HSF4: variants seen among roughly 807,000 people sequenced by gnomAD.
The protein encoded by HSF4 is heat shock factor protein 4.
In HSF4, 41 loss-of-function variants were observed where a neutral mutation model predicts 52.0. That is an observed-to-expected ratio of 0.79 (90% confidence interval 0.61 to 1.02). The LOEUF (loss-of-function observed/expected upper bound fraction) is 1.02, where lower values mean the gene tolerates loss of function less well. HSF4 is among the 50% of genes least tolerant of loss of function. The pLI is 0.00. For synonymous variants in HSF4, 285 were observed against 273.0 expected, an observed-to-expected ratio of 1.04 and a Z score of -0.43; for missense variants, 610 against 651.1, an observed-to-expected ratio of 0.94 and a Z score of 0.69.
chr16:67,169,275 G>T lies in HSF4; in HGVS notation c.1255-4G>T, dbSNP rs370952262. ...CCCAGCTGCTCCCTGCGGTTCTCAC[G>T]CAGATGCAGCCCTTGGTTCCAGAGC... On this transcript the variant is annotated splice_region_variant and splice_polypyrimidine_tract_variant and intron_variant, in intron 11 of 12. Coordinates refer to ENST00000521374, the MANE Select transcript of HSF4 (RefSeq NM_001374675.1). This position sits in a 1 kb window ranked among gnomAD's most constrained non-coding sequence, Gnocchi z 4.3. 1 of 1,613,360 alleles carries T rather than the reference G, an allele frequency of 6.2e-7. No homozygotes were observed. The highest frequency in any genetic ancestry group is 8.5e-7 in the Non-Finnish European group (1 of 1,179,966).
chr16:67,169,514 A>G lies in HSF4; in HGVS notation c.1325-117A>G. ...CCCTCACCATTGGGCGAGAGTGGGG[A>G]GGTTAAGAATGGATGTTTTATCCTA... On this transcript the variant is annotated intron_variant, in intron 12 of 12. Transcript: ENST00000521374. This position sits in a 1 kb window ranked among gnomAD's most constrained non-coding sequence, Gnocchi z 4.3. 1 of 1,591,188 alleles carries G rather than the reference A, an allele frequency of 6.3e-7. No individual in the cohort carries two copies. The highest frequency in any genetic ancestry group is 1.1e-5 in the South Asian group (1 of 89,862).
Position 67,169,560 on chromosome 16 carries a change from G to T in HSF4, c.1325-71G>T. ...TCCTAACTGAGCAGAAGGCAGGCGGGCAGGGCTCTCCTTCCCTGAAGAAAG... is the reference window on the plus strand; with the variant it reads ...TCCTAACTGAGCAGAAGGCAGGCGGTCAGGGCTCTCCTTCCCTGAAGAAAG... On this transcript the variant is annotated intron_variant, in intron 12 of 12. Coordinates refer to ENST00000521374, the MANE Select transcript of HSF4 (RefSeq NM_001374675.1). The surrounding 1 kb of genome is among the most constrained non-coding windows in gnomAD (Gnocchi z 4.3). The T allele has an allele frequency of 2.5e-6, 4 of 1,598,998 alleles. No individual in the cohort carries two copies. The highest frequency in any genetic ancestry group is 3.4e-6 in the Non-Finnish European group (4 of 1,179,552).
intron 6 of HSF4, 59 bp from the exon 7 acceptor site, chr16:67,167,061 C>T (rs577017367): frequency 1.2e-5 from 20 of 1,612,432 alleles, no homozygotes; most frequent in African/African-American, 4.0e-5. Context: ...AAGTGCAGGC[C>T]GAGGTGCATG....
At position 67,165,669 on chromosome 16, in the gene HSF4, A is replaced by T. The variant is rs1432785437; in HGVS notation, c.232+39A>T. 6.2e-7 allele frequency: 1 copy of T among 1,611,178 alleles called. No homozygotes were observed. Among genetic ancestry groups the T allele is most frequent in the African/African-American group, 1.3e-5 (1 of 74,438 alleles). ...GCCGGGCGGGGAGCGGGGATGGGGG[A>T]CTCGGTGCCGGGGATGGGGCGACCC... On this transcript the variant is annotated intron_variant, in intron 2 of 12. Transcript: ENST00000521374. The surrounding 1 kb of genome is among the most constrained non-coding windows in gnomAD (Gnocchi z 6.9).
At position 67,164,820 on chromosome 16, in the gene HSF4, A is replaced by G. The variant is rs758852676; in HGVS notation, c.9A>G (p.Glu3=). The part of the protein sequence containing the change: MQ[E]APAALPTEPG... Reference sequence around the variant, plus strand: ...CGGGCCGAGACTGCACCATGCAGGAAGCGCCAGCTGCGCTGCCCACGGAGC... The same window carrying G: ...CGGGCCGAGACTGCACCATGCAGGAGGCGCCAGCTGCGCTGCCCACGGAGC... The change falls in exon 1 of 13, where the codon GAA becomes GAG. Residue 3 remains glutamate (E), a synonymous_variant. Coordinates refer to ENST00000521374, the MANE Select transcript of HSF4 (RefSeq NM_001374675.1). The G allele has an allele frequency of 2.5e-6, 4 of 1,600,366 alleles. No individual in the cohort carries two copies. The African/African-American group carries it at 5.3e-5, about 21-fold the overall frequency.
chr16:67,169,186 C>T lies in HSF4; in HGVS notation c.1254+85C>T, dbSNP rs1244543663. 12 of 1,605,558 alleles carry T rather than the reference C, an allele frequency of 7.5e-6. No homozygotes were observed. Among genetic ancestry groups the T allele is most frequent in the African/African-American group, 1.3e-5 (1 of 74,826 alleles). On this transcript the variant is annotated intron_variant, in intron 11 of 12. Transcript: ENST00000521374. The surrounding 1 kb of genome is among the most constrained non-coding windows in gnomAD (Gnocchi z 4.3). ...ATAGCTGTTCTCTGTGAGCCAAAGC[C>T]GTGTCTCTAGAAGAATTGTCACAGT...
In HSF4 at chr16:67,168,833, G is replaced by T; in HGVS notation, c.1085G>T (p.Gly362Val). The change falls in exon 10 of 13, where the codon GGG becomes GTG. Residue 362 changes from glycine to valine, a missense_variant and splice_region_variant. Gly to Val is a moderately radical substitution (Grantham distance 109). Transcript: ENST00000521374. ...CAAAAGCAGTTCTGTCTGCACAGGG[G>T]GCCTCTGGGCCTGGAAAGCGGGGAC... ...PGDPREIPDR[G>V]PLGLESGDRS... The T allele has an allele frequency of 1.2e-6, 2 of 1,613,192 alleles. No individual in the cohort carries two copies. The highest frequency in any genetic ancestry group is 1.7e-6 in the Non-Finnish European group (2 of 1,179,620).
upstream of HSF4, chr16:67,164,262 T>A (rs890961901): frequency 2.2e-5 from 9 of 411,474 alleles, no homozygotes; most frequent in South Asian, 1.6e-4. Flanking sequence ...CCGGCAGAGG[T>A]TGGGTTTCCT....
Position 67,168,756 on chromosome 16 carries a change from C to A in HSF4, c.1083-75C>A, listed in dbSNP as rs2031500987. 4.6e-6 allele frequency: 5 copies of A among 1,084,810 alleles called. No homozygotes were observed. The East Asian group carries it at 7.1e-5, about 15-fold the overall frequency. The allele number at this position is 1,084,810 out of a possible 1,614,324, so 67.2% of individuals were successfully genotyped here. ...TTTCTAAAGATTGGGGGATTAAAAT[C>A]TTGATGCATCTGGGTTCCTTGGGAA... is the stretch of plus-strand genomic sequence containing the variant. On this transcript the variant is annotated intron_variant, in intron 9 of 12. Transcript: ENST00000521374.
At position 67,167,615 on chromosome 16, in the gene HSF4, C is replaced by G; in HGVS notation, c.854+16C>G. The stretch of plus-strand genomic sequence containing the variant: ...ATGGCAGGAGGTAAGGGGGACAGGG[C>G]TGCCCCTGAGGGGCCTGTGGGGGAG... On this transcript the variant is annotated intron_variant, in intron 8 of 12. Coordinates refer to ENST00000521374, the MANE Select transcript of HSF4 (RefSeq NM_001374675.1). 1 of 1,612,784 alleles carries G rather than the reference C, an allele frequency of 6.2e-7. No individual in the cohort carries two copies. The highest frequency in any genetic ancestry group is 8.5e-7 in the Non-Finnish European group (1 of 1,179,572).
intron 6 of HSF4, among the ~76,000 whole-genome samples, chr16:67,166,872 G>A (rs940705108): frequency 2.0e-5 from 3 of 151,692 alleles, no homozygotes; most frequent in Admixed American, 6.6e-5. Context: ...TCCCCCTCCG[G>A]CAAGGCTTCC....
At position 67,169,115 on chromosome 16, in the gene HSF4, CG is replaced by C; in HGVS notation, c.1254+18del. 6.2e-7 allele frequency: 1 copy of C among 1,611,576 alleles called. No homozygotes were observed. Among genetic ancestry groups the C allele is most frequent in the South Asian group, 1.1e-5 (1 of 91,032 alleles). ...GAGCTGTCCTTGGTAAGAAGTGGGT[CG>C]GGGAGGGCAGAGGCCAGGGGTGGCT... On this transcript the variant is annotated intron_variant, in intron 11 of 12. Transcript: ENST00000521374. The surrounding 1 kb of genome is among the most constrained non-coding windows in gnomAD (Gnocchi z 4.3).
At chr16:67,166,097 G>A in intron 4 of HSF4, 27 bp downstream of exon 4, 2 of 616,424 alleles carry the variant, frequency 3.2e-6, no homozygotes, top group Non-Finnish European at 5.6e-6. Flanking sequence ...GGAAAGAGGG[G>A]ACAGGGGTGG....
intron 5 of HSF4, 45 bp from the exon 6 acceptor site, chr16:67,166,513 G>A (rs781320816): frequency 4.3e-6 from 7 of 1,609,402 alleles, no homozygotes; most frequent in Admixed American, 1.7e-5. Flanking sequence ...CGGGGGTGGG[G>A]GGGCTGTGTC....
At chr16:67,167,331 C>T (rs759863829) in intron 7 of HSF4, 109 bp downstream of exon 7, 350 of 1,609,136 alleles carry the variant, frequency 2.2e-4, no homozygotes, top group South Asian at 1.7e-3. Context: ...AGCCTTCCCC[C>T]CAACCAGACC....
In HSF4 at chr16:67,169,071, C is replaced by T. The variant is rs1354970389; in HGVS notation, c.1224C>T (p.Thr408=). The T allele has an allele frequency of 6.2e-7, 1 of 1,613,534 alleles. No individual in the cohort carries two copies. The highest frequency in any genetic ancestry group is 1.3e-5 in the African/African-American group (1 of 74,900). ...LGPSLQGREW[T]LMDLDMELSL... is the part of the protein sequence containing the mutation. Reference sequence around the variant, plus strand: ...CCAGTCTCCAAGGGCGAGAATGGACCCTGATGGACTTGGACATGGAGCTGT... The same window carrying T: ...CCAGTCTCCAAGGGCGAGAATGGACTCTGATGGACTTGGACATGGAGCTGT... The change falls in exon 11 of 13, where the codon ACC becomes ACT. Residue 408 remains threonine (T), a synonymous_variant. Transcript: ENST00000521374. This position sits in a 1 kb window ranked among gnomAD's most constrained non-coding sequence, Gnocchi z 4.3.
upstream of HSF4, chr16:67,164,561 C>A (rs564759946): frequency 2.2e-6 from 1 of 448,832 alleles, no homozygotes; most frequent in Non-Finnish European, 4.4e-6. Flanking sequence ...TCACCCCACC[C>A]CACCCCACTC....
intron 9 of HSF4, among the ~76,000 whole-genome samples, 177 bp from the exon 10 acceptor site, chr16:67,168,654 G>A (rs913931917): frequency 6.6e-6 from 1 of 152,242 alleles, no homozygotes; most frequent in African/African-American, 2.4e-5. Context: ...AGGAAGCAGA[G>A]GCACTTTCTC....
At chr16:67,168,290 G>A (rs188354122) in intron 9 of HSF4, among the ~76,000 whole-genome samples, 26 of 152,086 alleles carry the variant, frequency 1.7e-4, no homozygotes, top group Non-Finnish European at 3.4e-4. Context: ...TGGCCAACAT[G>A]GTGAAACCCC....
Sources: gnomAD v4.1 joint callset for allele counts (sites outside exome capture counted in the v4.1 genomes callset) on GRCh38, gnomAD v4.1.1 for gene constraint, Gnocchi (gnomAD v3.1) non-coding constraint, MANE v1.5 for transcripts, NCBI Gene and HGNC (gene_info 2026-07-23, HGNC 2026-07-21) for gene names.